The following MYO9A variants were observed in gnomAD, a reference collection of about 807,000 sequenced individuals.
The protein encoded by MYO9A is unconventional myosin-IXa.
In MYO9A, 103 loss-of-function variants were observed where a neutral mutation model predicts 293.3. The observed-to-expected ratio is 0.35, with a 90% confidence interval of 0.30 to 0.41. MYO9A has a LOEUF of 0.41. MYO9A is among the 10% of genes least tolerant of loss of function. The pLI is 1.00. For synonymous variants in MYO9A, 1,001 were observed against 1,035.7 expected, an observed-to-expected ratio of 0.97 and a Z score of 0.64; for missense variants, 2,685 against 3,033.0, an observed-to-expected ratio of 0.89 and a Z score of 2.69.
Position 71,826,504 on chromosome 15 carries a change from G to A in MYO9A, c.*76C>T, listed in dbSNP as rs1032333523. ...ACAATTAGGATTGACTATTGTGGAC[G>A]AGGTGATGAAACGCAGCCCCAAAGG... On this transcript the variant is annotated 3_prime_UTR_variant, in exon 42 of 42. Coordinates refer to ENST00000356056, the MANE Select transcript of MYO9A (RefSeq NM_006901.4). 4.5e-6 allele frequency: 6 copies of A among 1,343,170 alleles called. No individual in the cohort carries two copies. Among genetic ancestry groups the A allele is most frequent in the Admixed American group, 2.3e-5 (1 of 44,094 alleles). The allele number at this position is 1,343,170 out of a possible 1,614,324, so 83.2% of individuals were successfully genotyped here. A position where few individuals can be genotyped will look rare whatever the true frequency, so the allele number is the denominator to read the frequency against.
intron 4 of MYO9A, among the ~76,000 whole-genome samples, chr15:72,023,019 G>C (rs1225112935): frequency 6.6e-6 from 1 of 151,962 alleles, no homozygotes; most frequent in African/African-American, 2.4e-5. Flanking sequence ...CGTGTTCAAT[G>C]AACTACAGAA....
chr15:71,879,693 A>G, intron 30 of MYO9A, 28 bp downstream of exon 30: 3 of 1,501,730 alleles, frequency 2.0e-6, no homozygotes, highest in Non-Finnish European at 2.8e-6. Context: ...TTGAACTACT[A>G]AATATCTCCT....
chr15:71,968,879 T>G (rs1278778338), intron 12 of MYO9A, among the ~76,000 whole-genome samples: 2 of 152,172 alleles, frequency 1.3e-5, no homozygotes, highest in Non-Finnish European at 2.9e-5. Flanking sequence ...CATTTAATGG[T>G]AGCTGAAATA....
At chr15:72,050,706 G>A (rs1427824021) in intron 1 of MYO9A, among the ~76,000 whole-genome samples, 1 of 152,166 alleles carries the variant, frequency 6.6e-6, no homozygotes, top group Admixed American at 6.5e-5. Context: ...GGAAATGCAG[G>A]TAATTCTGTT....
At chr15:71,981,232 G>A (rs532797532) in intron 11 of MYO9A, among the ~76,000 whole-genome samples, 9 of 152,146 alleles carry the variant, frequency 5.9e-5, no homozygotes, top group Non-Finnish European at 1.2e-4. Flanking sequence ...GAGTGAAACT[G>A]ACCTATAATT....
intron 2 of MYO9A, among the ~76,000 whole-genome samples, chr15:72,039,542 G>A (rs2078162618): frequency 1.3e-5 from 2 of 152,052 alleles, no homozygotes; most frequent in African/African-American, 4.8e-5. Flanking sequence ...GTTCAAAGAA[G>A]AAATCAGGCC....
chr15:72,089,689 G>A (rs2079846378), intron 1 of MYO9A, among the ~76,000 whole-genome samples: 2 of 152,128 alleles, frequency 1.3e-5, no homozygotes, highest in African/African-American at 2.4e-5. Context: ...GCTGAGGTGA[G>A]AGGAAAGCTC....
In MYO9A at chr15:71,873,788, A is replaced by G. The variant is rs180704727; in HGVS notation, c.5979+2003T>C. 5.3e-3 allele frequency among the ~76,000 whole-genome samples: 814 copies of G among 152,278 alleles called. 7 individuals carry two copies. The highest frequency in any genetic ancestry group is 8.6e-3 in the Non-Finnish European group (584 of 68,024). ...AATAAATGTATTCATATGCTTGTACATTTTTATTTTGAAGTGTTGTTCTTT... is the reference window on the plus strand; with the variant it reads ...AATAAATGTATTCATATGCTTGTACGTTTTTATTTTGAAGTGTTGTTCTTT... On this transcript the variant is annotated intron_variant, in intron 32 of 41. Transcript: ENST00000356056.
chr15:71,901,741 C>T (rs1417576691), intron 22 of MYO9A, among the ~76,000 whole-genome samples: 1 of 151,802 alleles, frequency 6.6e-6, no homozygotes, highest in Non-Finnish European at 1.5e-5. Flanking sequence ...TATCAAAATT[C>T]CAGTGCCAGA....
chr15:71,925,176 CATAT>C (rs2058261134), intron 18 of MYO9A, among the ~76,000 whole-genome samples: 1 of 2,588 alleles, frequency 3.9e-4, no homozygotes, highest in Non-Finnish European at 2.8e-3. Context: ...TATATATACA[CATAT>C]ATACATGTGT....
intron 39 of MYO9A, among the ~76,000 whole-genome samples, chr15:71,835,993 C>A (rs2054925537): frequency 6.6e-6 from 1 of 151,932 alleles, no homozygotes; most frequent in Non-Finnish European, 1.5e-5. Context: ...GAAAAATTTT[C>A]TTAAACATGA....
rs61153023 is a variant in MYO9A, at chr15:72,017,010, C to CTT, written c.1155+2027_1155+2028dup. 9.3e-3 allele frequency among the ~76,000 whole-genome samples: 542 copies of CTT among 58,312 alleles called. 62 individuals are homozygous for CTT. The highest frequency in any genetic ancestry group is 0.042 in the Middle Eastern group (2 of 48). The allele number at this position is 58,312 out of a possible 152,430, so 38.3% of individuals were successfully genotyped here. ...GGTCATTCTGCTTCAGAGCCCAAAT[C>CTT]TTTTTTTTTTTTTTTTTTTTTTTTT... On this transcript the variant is annotated intron_variant, in intron 6 of 41. Transcript: ENST00000356056.
intron 1 of MYO9A, among the ~76,000 whole-genome samples, chr15:72,108,232 T>C (rs1031507165): frequency 6.6e-6 from 1 of 152,222 alleles, no homozygotes; most frequent in Non-Finnish European, 1.5e-5. Context: ...ACCTTAAACC[T>C]ATCGAACTTA....
Position 71,899,980 on chromosome 15 carries a change from C to T in MYO9A, c.3177G>A (p.Gln1059=), listed in dbSNP as rs1235327393. ...GCACAGCTGCATCTCTGACTTGCTT[C>T]TGATTTAGGTAATTCCTCCAGAATC... ...IQRFWRNYLN[Q]KQVRDAAVQK... Residue 1059 remains glutamine (Q), a synonymous_variant, in exon 24 of 42, where the codon CAG becomes CAA. Coordinates refer to ENST00000356056, the MANE Select transcript of MYO9A (RefSeq NM_006901.4). 1 of 1,611,342 alleles carries T rather than the reference C, an allele frequency of 6.2e-7. No individual in the cohort carries two copies. Among genetic ancestry groups the T allele is most frequent in the Non-Finnish European group, 8.5e-7 (1 of 1,177,788 alleles).
rs371756847 is a variant in MYO9A, at chr15:71,824,621, G to C, written c.*1959C>G. 17 of 152,196 alleles carry C rather than the reference G, an allele frequency of 1.1e-4. No homozygotes were observed. Among genetic ancestry groups the C allele is most frequent in the African/African-American group, 2.9e-4 (12 of 41,452 alleles). The allele number at this position is 152,196 out of a possible 1,614,324, so 9.4% of individuals were successfully genotyped here. ...TGAGGGGTTTTCCTCTATCCTCTAG[G>C]AGATTCTCTGAAATTCAGATTTTTA... On this transcript the variant is annotated 3_prime_UTR_variant, in exon 42 of 42. Transcript: ENST00000356056.
At chr15:71,933,556 T>A in intron 18 of MYO9A, 114 bp downstream of exon 18, 1 of 979,948 alleles carries the variant, frequency 1.0e-6, no homozygotes, top group Non-Finnish European at 1.6e-6. Flanking sequence ...ACGATCACTA[T>A]CTTGGATACA....
In MYO9A at chr15:71,918,142, G is replaced by A. The variant is rs886707902; in HGVS notation, c.2563-1650C>T. Among the ~76,000 whole-genome samples, 13 of 152,176 alleles carry A rather than the reference G, an allele frequency of 8.5e-5. No individual in the cohort carries two copies. In the South Asian group the frequency reaches 2.5e-3, roughly 29 times the overall value. ...GAAAATGCCATTTCTTTTAAAAGAG[G>A]TTTTCTGCATCAGATTGGCCAATAC... is the stretch of plus-strand genomic sequence containing the variant. On this transcript the variant is annotated intron_variant, in intron 18 of 41. Coordinates refer to ENST00000356056, the MANE Select transcript of MYO9A (RefSeq NM_006901.4).
At chr15:71,928,405 A>C (rs1244835289) in intron 18 of MYO9A, among the ~76,000 whole-genome samples, 1 of 151,642 alleles carries the variant, frequency 6.6e-6, no homozygotes, top group African/African-American at 2.4e-5. Context: ...CTTTTTGTTC[A>C]AGATTGCTTT....
At chr15:72,084,508 G>T (rs1180247639) in intron 1 of MYO9A, among the ~76,000 whole-genome samples, 2 of 152,080 alleles carry the variant, frequency 1.3e-5, no homozygotes, top group Non-Finnish European at 2.9e-5. Flanking sequence ...ATTTGATACT[G>T]ACATCATGAT....
Sources: gnomAD v4.1 joint callset for allele counts (sites outside exome capture counted in the v4.1 genomes callset) on GRCh38, gnomAD v4.1.1 for gene constraint, MANE v1.5 for transcripts, NCBI Gene and HGNC (gene_info 2026-07-23, HGNC 2026-07-21) for gene names.